SLC9C1: variants seen among roughly 807,000 people sequenced by gnomAD.
SLC9C1 encodes sodium/hydrogen exchanger 10.
SLC9C1 carries 97 observed loss-of-function variants against 140.9 expected under a neutral mutation model. The ratio of observed to expected loss-of-function variants is 0.69; its 90% confidence interval spans 0.58 to 0.82. The LOEUF (loss-of-function observed/expected upper bound fraction) is 0.82. Ranked by LOEUF, SLC9C1 falls within the 40% of genes least tolerant of loss-of-function variation. The probability of loss-of-function intolerance (pLI) is 0.00; values close to 1 mark genes in which losing one functional copy is unlikely to be tolerated. For synonymous variants in SLC9C1, 440 were observed against 442.6 expected (o/e 0.99, Z 0.07); for missense variants, 1,340 against 1,389.3 (o/e 0.96, Z 0.56).
chr3:112,164,709 T>C (rs940227705), intron 26 of SLC9C1, among the ~76,000 whole-genome samples: 3 of 151,906 alleles, frequency 2.0e-5, no homozygotes, highest in African/African-American at 7.3e-5. Flanking sequence ...GTTAACTTTT[T>C]TTCCTTCATT....
At chr3:112,283,474 C>T (rs2080414475) in intron 2 of SLC9C1, among the ~76,000 whole-genome samples, 1 of 81,952 alleles carries the variant, frequency 1.2e-5, no homozygotes, top group Non-Finnish European at 2.3e-5. Flanking sequence ...AAAACCCTAT[C>T]TCTAAAAAAA....
intron 16 of SLC9C1, among the ~76,000 whole-genome samples, chr3:112,204,964 G>A (rs4438629): frequency 0.47 from 70,585 of 151,766 alleles, 16,780 homozygotes; most frequent in East Asian, 0.63. Flanking sequence ...CTGGGATAAC[G>A]CAGAATAAGT....
chr3:112,264,241 T>C lies in SLC9C1; in HGVS notation c.981A>G (p.Ile327Met). The change falls in exon 9 of 29, where the codon ATA becomes ATG. Residue 327 changes from isoleucine to methionine, a missense_variant. Ile to Met is a conservative substitution (Grantham distance 10). Coordinates refer to ENST00000305815, the MANE Select transcript of SLC9C1 (RefSeq NM_183061.3). ...HTYLYIEFVD[I>M]YYSLNIYLTL... ...TTAAGTAGATATTTAATGAATAGTA[T>C]ATATCAACAAATTCTATATACAAAT... The C allele has an allele frequency of 7.4e-7, 1 of 1,344,122 alleles. No homozygotes were observed. Among genetic ancestry groups the C allele is most frequent in the South Asian group, 1.7e-5 (1 of 58,862 alleles). The allele number at this position is 1,344,122 out of a possible 1,614,324, so 83.3% of individuals were successfully genotyped here.
intron 16 of SLC9C1, among the ~76,000 whole-genome samples, chr3:112,206,236 A>T (rs1311028887): frequency 2.6e-5 from 4 of 151,964 alleles, no homozygotes; most frequent in Non-Finnish European, 5.9e-5. Context: ...CAGCCAATAG[A>T]TGCATGAAAA....
intron 12 of SLC9C1, among the ~76,000 whole-genome samples, chr3:112,236,775 G>A (rs565531502): frequency 9.2e-5 from 14 of 152,180 alleles, no homozygotes; most frequent in African/African-American, 3.4e-4. Flanking sequence ...GTAGTTGAGC[G>A]ATTTTGAGTG....
rs572257021 is a variant in SLC9C1, at chr3:112,167,475, A to G, written c.3238-128T>C. ...AAATGGAAAATATTAACAAATCAAC[A>G]CAAATAAGATTAATATCTTAAAATA... On this transcript the variant is annotated intron_variant, in intron 25 of 28. Transcript: ENST00000305815. The G allele has an allele frequency of 5.6e-6, 5 of 887,680 alleles. No homozygotes were observed. In the South Asian group the frequency reaches 1.0e-4, roughly 18 times the overall value. The allele number at this position is 887,680 out of a possible 1,614,324, so 55.0% of individuals were successfully genotyped here.
intron 10 of SLC9C1, among the ~76,000 whole-genome samples, chr3:112,244,881 C>G (rs2079236847): frequency 6.6e-6 from 1 of 152,162 alleles, no homozygotes. Flanking sequence ...GAGGTCCCCA[C>G]TGAATATTCT....
chr3:112,142,080 G>A (rs2074643998), intron 28 of SLC9C1, among the ~76,000 whole-genome samples: 1 of 152,064 alleles, frequency 6.6e-6, no homozygotes, highest in Non-Finnish European at 1.5e-5. Flanking sequence ...ATTTACTTTG[G>A]ATTAATCCCT....
intron 26 of SLC9C1, among the ~76,000 whole-genome samples, chr3:112,163,266 TTTCCTTCAG>T (rs2075361862): frequency 6.8e-6 from 1 of 148,040 alleles, no homozygotes; most frequent in Non-Finnish European, 1.5e-5. Context: ...TGTGTCTCTA[TTTCCTTCAG>T]TTCTGCTCTG....
At chr3:112,177,737 AT>A (rs1222074079) in intron 23 of SLC9C1, among the ~76,000 whole-genome samples, 1 of 149,180 alleles carries the variant, frequency 6.7e-6, no homozygotes, top group East Asian at 2.0e-4. Flanking sequence ...AAAAAAAAAA[AT>A]TAAATAGAAA....
At chr3:112,206,444 A>C (rs903974745) in intron 16 of SLC9C1, among the ~76,000 whole-genome samples, 4 of 152,084 alleles carry the variant, frequency 2.6e-5, no homozygotes, top group Non-Finnish European at 1.5e-5. Flanking sequence ...GCAATTCCTC[A>C]AGGATCTAGA....
intron 10 of SLC9C1, among the ~76,000 whole-genome samples, chr3:112,254,813 C>T (rs2079558665): frequency 6.6e-6 from 1 of 152,018 alleles, no homozygotes; most frequent in South Asian, 2.1e-4. Context: ...GGATAAAGAA[C>T]CAAGAGCCAA....
rs2077409884 is a variant in SLC9C1, at chr3:112,180,066, T to TG, written c.2749-366dup. 2.0e-5 allele frequency among the ~76,000 whole-genome samples: 3 copies of TG among 152,342 alleles called. No homozygotes were observed. In the East Asian group the frequency reaches 5.8e-4, roughly 29 times the overall value. ...TCTGTGAGAAAGTATGGCTTTAAAATGATGGATAGTGTTATCCATTGTGTC... is the reference window on the plus strand; with the variant it reads ...TCTGTGAGAAAGTATGGCTTTAAAATGGATGGATAGTGTTATCCATTGTGTC... On this transcript the variant is annotated intron_variant, in intron 22 of 28. Transcript: ENST00000305815.
At position 112,202,239 on chromosome 3, in the gene SLC9C1, G is replaced by A; in HGVS notation, c.2322+11C>T. 1.2e-6 allele frequency: 2 copies of A among 1,607,254 alleles called. No individual in the cohort carries two copies. Among genetic ancestry groups the A allele is most frequent in the Non-Finnish European group, 1.7e-6 (2 of 1,177,730 alleles). Reference sequence around the variant, plus strand: ...AGTGAACTCTTTTCTTAGGATTTAAGGTTTTCTTACCTGTTTAATCTGTTT... The same window carrying A: ...AGTGAACTCTTTTCTTAGGATTTAAAGTTTTCTTACCTGTTTAATCTGTTT... On this transcript the variant is annotated intron_variant, in intron 18 of 28. Coordinates refer to ENST00000305815, the MANE Select transcript of SLC9C1 (RefSeq NM_183061.3).
chr3:112,286,644 G>T, intron 2 of SLC9C1, 60 bp downstream of exon 2: 2 of 1,393,714 alleles, frequency 1.4e-6, no homozygotes, highest in South Asian at 1.3e-5. Context: ...AATTCTATAT[G>T]GTAGCATTTA....
chr3:112,270,090 G>T lies in SLC9C1; in HGVS notation c.614-13C>A. On this transcript the variant is annotated splice_polypyrimidine_tract_variant and intron_variant, in intron 6 of 28. Coordinates refer to ENST00000305815, the MANE Select transcript of SLC9C1 (RefSeq NM_183061.3). ...ACGATCTCTTCAGCTACAAGAAAGG[G>T]GCGTAAATAAGAAATAGTTAATAGA... 3 of 1,500,112 alleles carry T rather than the reference G, an allele frequency of 2.0e-6. No individual in the cohort carries two copies. The highest frequency in any genetic ancestry group is 1.4e-5 in the African/African-American group (1 of 69,956). 92.9% of individuals were successfully genotyped at this position (1,500,112 alleles called of 1,614,324 possible).
chr3:112,151,659 A>G (rs1380610449), intron 28 of SLC9C1, among the ~76,000 whole-genome samples, 198 bp downstream of exon 28: 1 of 152,262 alleles, frequency 6.6e-6, no homozygotes, highest in African/African-American at 2.4e-5. Flanking sequence ...GTTTTCAGAA[A>G]TCTAGATAAA....
chr3:112,143,937 A>G (rs1038253070), intron 28 of SLC9C1, among the ~76,000 whole-genome samples: 1 of 152,068 alleles, frequency 6.6e-6, no homozygotes, highest in Non-Finnish European at 1.5e-5. Context: ...GGAAAGAATG[A>G]AATAGTTTCA....
At chr3:112,226,464 G>A (rs35273288) in intron 13 of SLC9C1, among the ~76,000 whole-genome samples, 8 of 152,114 alleles carry the variant, frequency 5.3e-5, no homozygotes, top group Non-Finnish European at 1.0e-4. Flanking sequence ...GCTTATGCCT[G>A]TAATCCCAGC....
Sources: gnomAD v4.1 joint callset for allele counts (sites outside exome capture counted in the v4.1 genomes callset) on GRCh38, gnomAD v4.1.1 for gene constraint, MANE v1.5 for transcripts, NCBI Gene and HGNC (gene_info 2026-07-23, HGNC 2026-07-21) for gene names.